Variants in LRBA observed in about 807,000 individuals in gnomAD.
The protein encoded by LRBA is lipopolysaccharide-responsive and beige-like anchor protein.
A neutral mutation model predicts 330.0 loss-of-function variants in LRBA; 176 were observed. That is an observed-to-expected ratio of 0.53 (90% CI 0.47 to 0.60). LRBA has a LOEUF of 0.60. Among genes scored for constraint, LRBA ranks in the 20% least tolerant of loss-of-function variants. The pLI is 0.00. For missense variants in LRBA, 3,259 were observed against 3,444.8 expected, an observed-to-expected ratio of 0.95 and a Z score of 1.35; for synonymous variants, 1,230 against 1,193.0, an observed-to-expected ratio of 1.03 and a Z score of -0.64.
In LRBA at chr4:150,436,822, C is replaced by T. The variant is rs1751171567; in HGVS notation, c.6823G>A (p.Glu2275Lys). The T allele has an allele frequency of 6.2e-7, 1 of 1,613,774 alleles. No individual in the cohort carries two copies. Among genetic ancestry groups the T allele is most frequent in the Non-Finnish European group, 8.5e-7 (1 of 1,179,852 alleles). The change falls in exon 45 of 57, where the codon GAG (glutamate) becomes AAG (lysine). Residue 2275 changes from glutamate (E) to lysine (K), a missense_variant. Transcript: ENST00000651943. ...TCATCTTCCCATGATTCATAACGCTCAGCGAAGAATGCTGCTCTTTTTGGG... is the reference window on the plus strand; with the variant it reads ...TCATCTTCCCATGATTCATAACGCTTAGCGAAGAATGCTGCTCTTTTTGGG... Reference protein sequence around the residue: ...LNPKRAAFFAERYESWEDDQV... With the variant: ...LNPKRAAFFAKRYESWEDDQV...
chr4:150,605,571 T>C (rs189339941), intron 37 of LRBA, among the ~76,000 whole-genome samples: 43 of 152,322 alleles, frequency 2.8e-4, no homozygotes, highest in African/African-American at 2.4e-5. Context: ...TAAAAATTCA[T>C]AGTAGACATT....
intron 35 of LRBA, among the ~76,000 whole-genome samples, chr4:150,736,837 G>A (rs567396065): frequency 1.1e-4 from 17 of 152,074 alleles, no homozygotes; most frequent in Non-Finnish European, 2.2e-4. Context: ...AGCAGACAGC[G>A]GGAGAGGCCT....
intron 47 of LRBA, among the ~76,000 whole-genome samples, chr4:150,378,253 T>C (rs998964780): frequency 6.6e-6 from 1 of 152,152 alleles, no homozygotes; most frequent in Non-Finnish European, 1.5e-5. Context: ...CTCCTCAAGG[T>C]AGGAAATGTT....
chr4:150,310,635 C>G (rs1309406711), intron 51 of LRBA: 4 of 354,668 alleles, frequency 1.1e-5, no homozygotes, highest in Non-Finnish European at 5.1e-6. Flanking sequence ...AAATAGAACA[C>G]AATTCACAGA....
At chr4:150,953,746 C>G (rs1200231193) in intron 2 of LRBA, among the ~76,000 whole-genome samples, 1 of 151,968 alleles carries the variant, frequency 6.6e-6, no homozygotes, top group Non-Finnish European at 1.5e-5. Context: ...CCTTGGCCTC[C>G]CAAAGTGCCA....
At chr4:150,334,407 A>C (rs893179548) in intron 48 of LRBA, among the ~76,000 whole-genome samples, 1 of 152,144 alleles carries the variant, frequency 6.6e-6, no homozygotes, top group Non-Finnish European at 1.5e-5. Flanking sequence ...TGGACTTGAA[A>C]GACTTAATGT....
intron 40 of LRBA, among the ~76,000 whole-genome samples, chr4:150,510,371 T>C (rs1561283849): frequency 6.6e-6 from 1 of 152,184 alleles, no homozygotes; most frequent in African/African-American, 2.4e-5. Flanking sequence ...ACTCGTTCTA[T>C]GAGGTCAGCA....
At chr4:150,927,824 T>C (rs535169595) in intron 4 of LRBA, among the ~76,000 whole-genome samples, 116 of 152,222 alleles carry the variant, frequency 7.6e-4, no homozygotes, top group African/African-American at 2.7e-3. Flanking sequence ...GAATCTAAAT[T>C]TTAACATAAT....
intron 2 of LRBA, 38 bp from the exon 3 acceptor site, chr4:150,929,103 G>C: frequency 7.7e-7 from 1 of 1,302,970 alleles, no homozygotes; most frequent in Non-Finnish European, 1.1e-6. Context: ...AAAAGCATTA[G>C]TATCCTCAAT....
chr4:150,347,945 C>CTGTA (rs138156414), intron 48 of LRBA, among the ~76,000 whole-genome samples: 31,444 of 151,980 alleles, frequency 0.21, 3,951 homozygotes, highest in Non-Finnish European at 0.29. Context: ...CTGTACAATG[C>CTGTA]TGTAGCCTCT....
chr4:150,511,105 G>GAA (rs1761784391), intron 40 of LRBA, among the ~76,000 whole-genome samples: 1 of 152,160 alleles, frequency 6.6e-6, no homozygotes, highest in African/African-American at 2.4e-5. Context: ...TCATCCTCCG[G>GAA]CCTTGGCCTC....
Position 150,351,468 on chromosome 4 carries a change from T to A in LRBA, c.7195-1309A>T, listed in dbSNP as rs1306554347. 2.6e-5 allele frequency among the ~76,000 whole-genome samples: 4 copies of A among 152,196 alleles called. No homozygotes were observed. The South Asian group carries it at 6.2e-4, about 24-fold the overall frequency. On this transcript the variant is annotated intron_variant, in intron 47 of 56. Coordinates refer to ENST00000651943, the MANE Select transcript of LRBA (RefSeq NM_001364905.1). Reference sequence around the variant, plus strand: ...ACTTTGGGAGGCTGAGGTGGGCGGATCACGAGGTCAGGAGATCGAGACCAT... The same window carrying A: ...ACTTTGGGAGGCTGAGGTGGGCGGAACACGAGGTCAGGAGATCGAGACCAT...
chr4:150,432,241 T>G (rs1750485023), intron 46 of LRBA, among the ~76,000 whole-genome samples: 2 of 152,062 alleles, frequency 1.3e-5, no homozygotes, highest in Admixed American at 1.3e-4. Flanking sequence ...TGCTTTAGGA[T>G]CTACTCAATA....
At chr4:150,829,092 G>A (rs992996915) in intron 29 of LRBA, among the ~76,000 whole-genome samples, 3 of 152,020 alleles carry the variant, frequency 2.0e-5, no homozygotes, top group African/African-American at 4.8e-5. Context: ...GTGCTACCAC[G>A]TCTGGCTAAT....
intron 37 of LRBA, among the ~76,000 whole-genome samples, chr4:150,617,249 CA>C (rs1248679641): frequency 1.3e-5 from 2 of 152,132 alleles, no homozygotes; most frequent in African/African-American, 4.8e-5. Context: ...CATAAAGAAA[CA>C]AATATGATTT....
intron 37 of LRBA, among the ~76,000 whole-genome samples, chr4:150,609,953 T>C (rs755074741): frequency 3.3e-5 from 5 of 152,198 alleles, no homozygotes; most frequent in Non-Finnish European, 7.3e-5. Flanking sequence ...AGGTCATCTC[T>C]TTCTTTGTGG....
At chr4:150,495,580 C>A (rs1057344856) in intron 40 of LRBA, among the ~76,000 whole-genome samples, 3 of 152,198 alleles carry the variant, frequency 2.0e-5, no homozygotes, top group African/African-American at 7.2e-5. Context: ...AATAATATTT[C>A]TTTAAGTGTT....
intron 40 of LRBA, among the ~76,000 whole-genome samples, chr4:150,518,766 A>G (rs114386198): frequency 1.1e-3 from 170 of 152,294 alleles, no homozygotes; most frequent in African/African-American, 3.9e-3. Flanking sequence ...CATGATTCAG[A>G]AGTAGCAACT....
intron 2 of LRBA, among the ~76,000 whole-genome samples, chr4:151,008,338 C>A (rs1321472278): frequency 6.6e-6 from 1 of 152,104 alleles, no homozygotes; most frequent in African/African-American, 2.4e-5. Context: ...GCCTCAGCCT[C>A]TCAAAGTGCT....
Sources: allele counts gnomAD v4.1 joint callset (sites outside exome capture counted in the v4.1 genomes callset), GRCh38; gene constraint gnomAD v4.1.1; transcripts MANE v1.5; gene names NCBI Gene and HGNC (gene_info 2026-07-23, HGNC 2026-07-21).